SPATA18: variants seen among roughly 807,000 people sequenced by gnomAD.
SPATA18 encodes the protein mitochondria-eating protein.
In SPATA18, 54 loss-of-function variants were observed where a neutral mutation model predicts 68.1. The ratio of observed to expected loss-of-function variants is 0.79; its 90% CI spans 0.64 to 0.99. SPATA18 has a LOEUF of 0.99. Among genes scored for constraint, SPATA18 ranks in the 50% least tolerant of loss-of-function variants. The pLI, the probability that SPATA18 is intolerant of heterozygous loss-of-function variation, is 0.00. For missense variants in SPATA18, 724 were observed against 681.1 expected (o/e 1.06, Z -0.70); for synonymous variants, 242 against 244.8 (o/e 0.99, Z 0.11).
At chr4:52,072,308 T>C in intron 6 of SPATA18, 152 bp downstream of exon 6, 1 of 1,258,650 alleles carries the variant, frequency 7.9e-7, no homozygotes, top group Non-Finnish European at 1.1e-6. Context: ...ATTGTTTTCT[T>C]AACTGCACCC....
At chr4:52,090,693 A>T (rs1367257381) in intron 11 of SPATA18, among the ~76,000 whole-genome samples, 1 of 152,070 alleles carries the variant, frequency 6.6e-6, no homozygotes, top group African/African-American at 2.4e-5. Flanking sequence ...GGTTAACCCA[A>T]CCTTTCTCTT....
rs1175197824 is a variant in SPATA18, at chr4:52,096,550, G to A, written c.*1663G>A. On this transcript the variant is annotated 3_prime_UTR_variant, in exon 13 of 13. Coordinates refer to ENST00000295213, the MANE Select transcript of SPATA18 (RefSeq NM_145263.4). ...ACTATAATATAAAGCAGAAAAAAAG[G>A]CAACTTTTAATAAAATAAAATGTAT... 1.3e-5 allele frequency: 2 copies of A among 151,908 alleles called. No homozygotes were observed. Among genetic ancestry groups the A allele is most frequent in the Non-Finnish European group, 2.9e-5 (2 of 67,980 alleles). 9.4% of individuals were successfully genotyped at this position (151,908 alleles called of 1,614,324 possible).
In SPATA18 at chr4:52,078,907, C is replaced by T. The variant is rs765022453; in HGVS notation, c.1179+14C>T. On this transcript the variant is annotated intron_variant, in intron 8 of 12. Coordinates refer to ENST00000295213, the MANE Select transcript of SPATA18 (RefSeq NM_145263.4). ...AGCAGTGTCAATGTAAGTGTTGAGT[C>T]TTTTATTAGGACTGGTTTGCTGCTG... 6.4e-7 allele frequency: 1 copy of T among 1,561,202 alleles called. No homozygotes were observed. The highest frequency in any genetic ancestry group is 1.3e-5 in the African/African-American group (1 of 74,302).
chr4:52,091,672 A>T (rs1741972224), intron 11 of SPATA18, among the ~76,000 whole-genome samples: 1 of 152,190 alleles, frequency 6.6e-6, no homozygotes, highest in African/African-American at 2.4e-5. Context: ...CACCTGCCAG[A>T]TGCCAGCCAG....
At chr4:52,062,353 C>A (rs944098047) in intron 4 of SPATA18, 21 bp downstream of exon 4, 1 of 1,480,830 alleles carries the variant, frequency 6.8e-7, no homozygotes, top group Non-Finnish European at 9.3e-7. Context: ...TGCAAGTTAT[C>A]TTTTTCCAAA....
At chr4:52,066,289 T>A (rs1739305131) in intron 4 of SPATA18, among the ~76,000 whole-genome samples, 1 of 152,144 alleles carries the variant, frequency 6.6e-6, no homozygotes, top group Non-Finnish European at 1.5e-5. Flanking sequence ...TAGCTGGGAT[T>A]ACAGGCACCC....
Position 52,062,257 on chromosome 4 carries a change from C to G in SPATA18, c.347C>G (p.Pro116Arg). The change falls in exon 4 of 13, where the codon CCT (proline) becomes CGT (arginine). Residue 116 changes from proline (P) to arginine (R), a missense_variant. Physicochemically the swap from Pro to Arg is moderately radical, Grantham distance 103 (BLOSUM62 -2). Coordinates refer to ENST00000295213, the MANE Select transcript of SPATA18 (RefSeq NM_145263.4). ...FDRERHKDPS[P>R]RDRDMQQLDS... Reference sequence around the variant, plus strand: ...AGGGAGAGACATAAAGATCCCAGTCCTCGGGATCGGGATATGCAACAGTTA... The same window carrying G: ...AGGGAGAGACATAAAGATCCCAGTCGTCGGGATCGGGATATGCAACAGTTA... The G allele has an allele frequency of 6.2e-7, 1 of 1,604,482 alleles. No individual in the cohort carries two copies. Among genetic ancestry groups the G allele is most frequent in the Middle Eastern group, 1.7e-4 (1 of 6,032 alleles).
intron 1 of SPATA18, among the ~76,000 whole-genome samples, chr4:52,057,864 G>A (rs190183916): frequency 9.2e-5 from 14 of 152,312 alleles, no homozygotes; most frequent in African/African-American, 3.4e-4. Context: ...TGCTCCACAA[G>A]GCATTATTAT....
intron 10 of SPATA18, among the ~76,000 whole-genome samples, chr4:52,084,253 G>T (rs1741222741): frequency 6.6e-6 from 1 of 152,134 alleles, no homozygotes; most frequent in Admixed American, 6.5e-5. Flanking sequence ...AATAGCCATT[G>T]CCTTTTAACT....
At chr4:52,077,693 C>T (rs985706179) in intron 7 of SPATA18, among the ~76,000 whole-genome samples, 1 of 151,988 alleles carries the variant, frequency 6.6e-6, no homozygotes, top group Non-Finnish European at 1.5e-5. Context: ...ATTTGGTTTA[C>T]TTTAGTTCTT....
In SPATA18 at chr4:52,087,975, G is replaced by A. The variant is rs143871244; in HGVS notation, c.1563+2976G>A. 2.9e-3 allele frequency among the ~76,000 whole-genome samples: 437 copies of A among 152,240 alleles called. 1 individual carries two copies. Among genetic ancestry groups the A allele is most frequent in the Middle Eastern group, 0.02 (6 of 294 alleles). On this transcript the variant is annotated intron_variant, in intron 11 of 12. Transcript: ENST00000295213. Reference sequence around the variant, plus strand: ...CAGTGGGTTTGTCGTTCTCCTTGAAGGGGTCCTTCACATTCCTTGTAAGTT... The same window carrying A: ...CAGTGGGTTTGTCGTTCTCCTTGAAAGGGTCCTTCACATTCCTTGTAAGTT...
intron 5 of SPATA18, among the ~76,000 whole-genome samples, chr4:52,071,122 T>G (rs1249798368): frequency 2.6e-5 from 4 of 152,246 alleles, no homozygotes; most frequent in Non-Finnish European, 5.9e-5. Flanking sequence ...AATTCTGTTC[T>G]TTACTGTTTG....
intron 1 of SPATA18, among the ~76,000 whole-genome samples, chr4:52,052,528 C>T (rs1426202823): frequency 1.3e-5 from 2 of 152,114 alleles, no homozygotes; most frequent in Non-Finnish European, 2.9e-5. Flanking sequence ...GCTTTACATT[C>T]GGTCGGTCCG....
chr4:52,087,569 C>G (rs376040802), intron 11 of SPATA18, among the ~76,000 whole-genome samples: 14 of 152,088 alleles, frequency 9.2e-5, no homozygotes, highest in East Asian at 5.8e-4. Context: ...TGTCAAAGAT[C>G]AGATGGTTGT....
chr4:52,094,711 C>T, intron 12 of SPATA18, 139 bp downstream of exon 12: 1 of 1,269,682 alleles, frequency 7.9e-7, no homozygotes, highest in Non-Finnish European at 1.1e-6. Flanking sequence ...CATGTCTGGG[C>T]CTCTGGCTGA....
chr4:52,055,799 C>T (rs1354291992), intron 1 of SPATA18, among the ~76,000 whole-genome samples: 2 of 152,122 alleles, frequency 1.3e-5, no homozygotes, highest in Non-Finnish European at 2.9e-5. Context: ...TGAGTTTTAC[C>T]TCTGAAATCT....
At position 52,095,763 on chromosome 4, in the gene SPATA18, C is replaced by T. The variant is rs939890069; in HGVS notation, c.*876C>T. The stretch of plus-strand genomic sequence containing the variant: ...TTGCAAATTCAGACCTCCTATTGAA[C>T]TCTGTCTGACCAAAACTACTTAAAC... On this transcript the variant is annotated 3_prime_UTR_variant, in exon 13 of 13. Transcript: ENST00000295213. 1 of 152,300 alleles carries T rather than the reference C, an allele frequency of 6.6e-6. No homozygotes were observed. Among genetic ancestry groups the T allele is most frequent in the Non-Finnish European group, 1.5e-5 (1 of 68,034 alleles). The allele number at this position is 152,300 out of a possible 1,614,324, so 9.4% of individuals were successfully genotyped here. A position where few individuals can be genotyped will look rare whatever the true frequency, so the allele number is the denominator to read the frequency against.
chr4:52,082,407 C>T lies in SPATA18; in HGVS notation c.1376C>T (p.Ser459Leu), dbSNP rs146699723. 20 of 1,613,886 alleles carry T rather than the reference C, an allele frequency of 1.2e-5. No individual in the cohort carries two copies. The highest frequency in any genetic ancestry group is 9.3e-5 in the African/African-American group (7 of 74,922). ...NDCKYRRSYD[S>L]DFTAPLVLYH... The stretch of plus-strand genomic sequence containing the variant: ...AACAGATACCGCCGCAGCTACGACT[C>T]GGATTTCACTGCTCCCTTAGTCCTC... The change falls in exon 10 of 13, where the codon TCG (serine) becomes TTG (leucine). Residue 459 changes from serine to leucine, a missense_variant. Physicochemically the swap from Ser to Leu is moderately radical, Grantham distance 145. Transcript: ENST00000295213.
Position 52,060,883 on chromosome 4 carries a change from G to T in SPATA18, c.295G>T (p.Val99Phe), listed in dbSNP as rs780979002. The change falls in exon 3 of 13, where the codon GTC (valine) becomes TTC (phenylalanine). Residue 99 changes from valine (V) to phenylalanine (F), a missense_variant. Coordinates refer to ENST00000295213, the MANE Select transcript of SPATA18 (RefSeq NM_145263.4). ...CCTGGGAAAATCTGTTGACAGCAAG[G>T]TCCCCTCTCTGCAGGTAGGGATGCT... ...ASLGKSVDSK[V>F]PSLQDTFDRE... 2 of 1,613,756 alleles carry T rather than the reference G, an allele frequency of 1.2e-6. No individual in the cohort carries two copies. Among genetic ancestry groups the T allele is most frequent in the African/African-American group, 1.3e-5 (1 of 75,000 alleles).
Sources: allele counts gnomAD v4.1 joint callset (sites outside exome capture counted in the v4.1 genomes callset), GRCh38; gene constraint gnomAD v4.1.1; transcripts MANE v1.5; gene names NCBI Gene and HGNC (gene_info 2026-07-23, HGNC 2026-07-21).